Variants in RAI14 observed in about 807,000 individuals in gnomAD.
RAI14 encodes the protein retinoic acid induced 14.
RAI14 carries 45 observed loss-of-function variants against 115.4 expected under a neutral mutation model. The ratio of observed to expected loss-of-function variants is 0.39; its 90% CI spans 0.31 to 0.50. RAI14 has a LOEUF of 0.50. Ranked by LOEUF, RAI14 falls within the 20% of genes least tolerant of loss-of-function variation. RAI14 has a pLI of 0.85. For missense variants in RAI14, 939 were observed against 1,131.2 expected, an observed-to-expected ratio of 0.83 and a Z score of 2.44; for synonymous variants, 371 against 415.4, an observed-to-expected ratio of 0.89 and a Z score of 1.30.
Position 34,814,676 on chromosome 5 carries a change from C to A in RAI14, c.939+7C>A. The A allele has an allele frequency of 6.3e-7, 1 of 1,587,400 alleles. No homozygotes were observed. The highest frequency in any genetic ancestry group is 2.2e-5 in the East Asian group (1 of 44,682). ...TGCTGAACCACCCTTCAAGGTATTT[C>A]CTTTCTGTATTCAGTTTTGTTACTG... On this transcript the variant is annotated splice_region_variant and intron_variant, in intron 12 of 17. Transcript: ENST00000265109.
chr5:34,811,021 A>G lies in RAI14; in HGVS notation c.460A>G (p.Ile154Val), dbSNP rs1283930744. 2 of 1,613,660 alleles carry G rather than the reference A, an allele frequency of 1.2e-6. No homozygotes were observed. The highest frequency in any genetic ancestry group is 1.7e-6 in the Non-Finnish European group (2 of 1,179,684). ...PINLKDLDGNIPLLLAVQNGH... is the reference protein window; with the variant it reads ...PINLKDLDGNVPLLLAVQNGH... The stretch of plus-strand genomic sequence containing the variant: ...TGAATTTGTCTCCTAGGATGGGAAT[A>G]TACCGCTGCTTCTTGCTGTACAAAA... The change falls in exon 8 of 18, where the codon ATA becomes GTA. Residue 154 changes from isoleucine (I) to valine (V), a missense_variant. Transcript: ENST00000265109.
rs1757172278 is a variant in RAI14, at chr5:34,823,886, G to A, written c.2044G>A (p.Glu682Lys). The change falls in exon 15 of 18, where the codon GAG (glutamate) becomes AAG (lysine). Residue 682 changes from glutamate to lysine, a missense_variant. Physicochemically the swap from Glu to Lys is moderately conservative, Grantham distance 56 (BLOSUM62 1). Coordinates refer to ENST00000265109, the MANE Select transcript of RAI14 (RefSeq NM_015577.3). This position sits in a 1 kb window ranked among gnomAD's most constrained non-coding sequence, Gnocchi z 4.5. Reference protein sequence around the residue: ...TAEYIHKAEHEKLMQLTNVSR... With the variant: ...TAEYIHKAEHKKLMQLTNVSR... ...TGAATATATCCATAAAGCAGAGCAT[G>A]AGAAACTGATGCAATTGACAAACGT... is the stretch of plus-strand genomic sequence containing the variant. The A allele has an allele frequency of 6.2e-7, 1 of 1,614,090 alleles. No homozygotes were observed. The highest frequency in any genetic ancestry group is 8.5e-7 in the Non-Finnish European group (1 of 1,179,966).
At chr5:34,799,528 ACACACAC>A (rs1434360091) in intron 4 of RAI14, among the ~76,000 whole-genome samples, 20 of 97,946 alleles carry the variant, frequency 2.0e-4, no homozygotes, top group African/African-American at 5.9e-4. Flanking sequence ...ACACACACAC[ACACACAC>A]ACACAAAACC....
intron 2 of RAI14, among the ~76,000 whole-genome samples, chr5:34,727,054 T>C (rs994190278): frequency 6.6e-6 from 1 of 152,190 alleles, no homozygotes; most frequent in African/African-American, 2.4e-5. Flanking sequence ...CAGGAAGATG[T>C]GGGAAAGTTT....
chr5:34,787,858 G>T (rs1225131391), intron 3 of RAI14, among the ~76,000 whole-genome samples: 1 of 116,736 alleles, frequency 8.6e-6, no homozygotes, highest in African/African-American at 3.1e-5. Flanking sequence ...GCCTTTAATG[G>T]TTTATTACAG....
In RAI14 at chr5:34,823,018, T is replaced by C. The variant is rs138396473; in HGVS notation, c.1176T>C (p.Thr392=). The change falls in exon 15 of 18, where the codon ACT becomes ACC. Residue 392 remains threonine (T), a synonymous_variant. Coordinates refer to ENST00000265109, the MANE Select transcript of RAI14 (RefSeq NM_015577.3). This position sits in a 1 kb window ranked among gnomAD's most constrained non-coding sequence, Gnocchi z 4.5. The part of the protein sequence containing the change: ...LSFDSYHSTQ[T]DLGPSLGKPG... Reference sequence around the variant, plus strand: ...TTGACTCATACCATTCCACCCAAACTGACTTGGGCCCATCCCTGGGAAAAC... The same window carrying C: ...TTGACTCATACCATTCCACCCAAACCGACTTGGGCCCATCCCTGGGAAAAC... 41 of 1,613,934 alleles carry C rather than the reference T, an allele frequency of 2.5e-5. No homozygotes were observed. Among genetic ancestry groups the C allele is most frequent in the Non-Finnish European group, 3.1e-5 (37 of 1,179,998 alleles).
chr5:34,827,127 G>A lies in RAI14; in HGVS notation c.2799+648G>A, dbSNP rs1305360007. ...CCTTTTCCAGTACCAGAGGCTGCCT[G>A]CATTCTGTGGCTCATGGCCCCTTAC... On this transcript the variant is annotated intron_variant, in intron 16 of 17. Coordinates refer to ENST00000265109, the MANE Select transcript of RAI14 (RefSeq NM_015577.3). This position sits in a 1 kb window ranked among gnomAD's most constrained non-coding sequence, Gnocchi z 4.2. 1.3e-5 allele frequency among the ~76,000 whole-genome samples: 2 copies of A among 152,126 alleles called. No individual in the cohort carries two copies. The highest frequency in any genetic ancestry group is 1.3e-4 in the Admixed American group (2 of 15,274).
In RAI14 at chr5:34,728,031, G is replaced by C. The variant is rs1415189176; in HGVS notation, c.37-29437G>C. ...CACTCAATGCCAGCCTGTGAAAGCA[G>C]TGTGGCCTGGGTGTGAGACTTGTAG... On this transcript the variant is annotated intron_variant, in intron 2 of 17. Coordinates refer to ENST00000265109, the MANE Select transcript of RAI14 (RefSeq NM_015577.3). Among the ~76,000 whole-genome samples, 8 of 152,178 alleles carry C rather than the reference G, an allele frequency of 5.3e-5. 1 individual carries two copies. Among genetic ancestry groups the C allele is most frequent in the Non-Finnish European group, 1.2e-4 (8 of 68,020 alleles).
At chr5:34,807,009 G>C (rs561448798) in intron 5 of RAI14, among the ~76,000 whole-genome samples, 2 of 152,316 alleles carry the variant, frequency 1.3e-5, no homozygotes, top group South Asian at 4.1e-4. Context: ...GTTGTTAGGG[G>C]ACATAAAGCA....
chr5:34,719,002 G>C (rs960450127), intron 2 of RAI14, among the ~76,000 whole-genome samples: 3 of 152,202 alleles, frequency 2.0e-5, no homozygotes, highest in Non-Finnish European at 4.4e-5. Context: ...GTATGTTCTA[G>C]TTAGTAGAGC....
chr5:34,820,580 C>T (rs912705763), intron 13 of RAI14, among the ~76,000 whole-genome samples: 1 of 152,126 alleles, frequency 6.6e-6, no homozygotes, highest in African/African-American at 2.4e-5. Flanking sequence ...CCACTGCACT[C>T]CAGCTTGGGT....
intron 2 of RAI14, among the ~76,000 whole-genome samples, chr5:34,691,171 G>A (rs922347451): frequency 5.9e-5 from 9 of 152,066 alleles, no homozygotes; most frequent in African/African-American, 2.2e-4. Flanking sequence ...AGGTCAGAAG[G>A]TCAATCAGGG....
chr5:34,688,030 G>A (rs767134430), intron 2 of RAI14: 106 of 1,379,452 alleles, frequency 7.7e-5, no homozygotes, highest in African/African-American at 1.9e-4. Flanking sequence ...ACTGGGAAGC[G>A]TTATGAAAAA....
intron 2 of RAI14, among the ~76,000 whole-genome samples, chr5:34,721,397 A>G (rs6861342): frequency 0.012 from 1,860 of 151,170 alleles, 36 homozygotes; most frequent in African/African-American, 0.043. Context: ...AAATATGTAG[A>G]TATGTAAAAT....
chr5:34,822,664 C>CTT lies in RAI14; in HGVS notation c.1114-256_1114-255dup, dbSNP rs143092935. ...GCTTAGCTAACCACGCCTTTGGTAT[C>CTT]TTTTTTTTTTTTTTTTTTTTTTTTT... On this transcript the variant is annotated intron_variant, in intron 14 of 17. Coordinates refer to ENST00000265109, the MANE Select transcript of RAI14 (RefSeq NM_015577.3). 4.8e-4 allele frequency among the ~76,000 whole-genome samples: 23 copies of CTT among 47,570 alleles called. 5 individuals are homozygous for CTT. Among genetic ancestry groups the CTT allele is most frequent in the Non-Finnish European group, 6.5e-4 (16 of 24,694 alleles). 31.2% of individuals were successfully genotyped at this position (47,570 alleles called of 152,430 possible). A position where few individuals can be genotyped will look rare whatever the true frequency, so the allele number is the denominator to read the frequency against.
intron 2 of RAI14, chr5:34,715,963 G>T: frequency 3.0e-6 from 1 of 332,604 alleles, no homozygotes; most frequent in Non-Finnish European, 5.8e-6. Flanking sequence ...AAAAGAAAAA[G>T]CATTTCCTGG....
intron 1 of RAI14, among the ~76,000 whole-genome samples, chr5:34,682,774 T>G (rs1428542972): frequency 6.6e-6 from 1 of 152,230 alleles, no homozygotes; most frequent in Non-Finnish European, 1.5e-5. Context: ...TTCAGAGAAC[T>G]TTTTCCATAG....
In RAI14 at chr5:34,776,026, C is replaced by A. The variant is rs550414980; in HGVS notation, c.167+18428C>A. Among the ~76,000 whole-genome samples, 3 of 152,226 alleles carry A rather than the reference C, an allele frequency of 2.0e-5. No individual in the cohort carries two copies. The South Asian group carries it at 6.2e-4, about 32-fold the overall frequency. ...ATTATTTGGAAGCAACCTAAGTGTC[C>A]ATCATCAGATGAATGGATAAAGAAA... On this transcript the variant is annotated intron_variant, in intron 3 of 17. Transcript: ENST00000265109.
chr5:34,659,077 G>GT (rs1474011178), intron 1 of RAI14: 1 of 152,136 alleles, frequency 6.6e-6, no homozygotes, highest in Non-Finnish European at 1.5e-5. Flanking sequence ...ATACATGTGA[G>GT]TTTGTGTTTA....
Sources: gnomAD v4.1 joint callset for allele counts (sites outside exome capture counted in the v4.1 genomes callset) on GRCh38, gnomAD v4.1.1 for gene constraint, Gnocchi (gnomAD v3.1) non-coding constraint, MANE v1.5 for transcripts, NCBI Gene and HGNC (gene_info 2026-07-23, HGNC 2026-07-21) for gene names.